CHL1: variants seen among roughly 807,000 people sequenced by gnomAD.
CHL1 encodes cell adhesion molecule L1 like, also known as neural cell adhesion molecule L1-like protein.
Under a neutral mutation model 141.9 loss-of-function variants are expected in CHL1, and 96 were observed. The observed-to-expected ratio is 0.68, with a 90% CI of 0.57 to 0.80. The LOEUF is 0.80. Ranked by LOEUF, CHL1 falls within the 30% of genes least tolerant of loss-of-function variation. CHL1 has a pLI of 0.00. For synonymous variants in CHL1, 613 were observed against 502.2 expected, an observed-to-expected ratio of 1.22 and a Z score of -2.95; for missense variants, 1,820 against 1,457.2, an observed-to-expected ratio of 1.25 and a Z score of -4.05.
chr3:331,864 T>A (rs62227240), intron 5 of CHL1, among the ~76,000 whole-genome samples: 44 of 152,256 alleles, frequency 2.9e-4, no homozygotes, highest in African/African-American at 9.6e-4. Flanking sequence ...AGACCTATTG[T>A]AACCCTAGTG....
chr3:350,012 AG>A (rs769879480), intron 10 of CHL1, among the ~76,000 whole-genome samples: 13 of 152,218 alleles, frequency 8.5e-5, no homozygotes, highest in Non-Finnish European at 1.0e-4. Context: ...TGAAAGAGGC[AG>A]GCAAATTGTT....
chr3:304,902 A>G (rs1699094965), intron 2 of CHL1, among the ~76,000 whole-genome samples: 1 of 152,084 alleles, frequency 6.6e-6, no homozygotes, highest in South Asian at 2.1e-4. Context: ...CCCTCTAAAC[A>G]CTGCTTTAAA....
intron 11 of CHL1, among the ~76,000 whole-genome samples, chr3:356,039 C>T (rs1012733037): frequency 7.9e-5 from 12 of 152,100 alleles, no homozygotes; most frequent in Non-Finnish European, 1.5e-5. Flanking sequence ...CAAAAACAGC[C>T]CCCCGTAAGG....
Position 197,744 on chromosome 3 carries a change from CCGCCGAGGGGCGAGAGGGCG to C in CHL1, c.-175+687_-175+706del, listed in dbSNP as rs1359448647. ...GGGGCTAGAGCTCCACCTCCCCAGA[CCGCCGAGGGGCGAGAGGGCG>C]CGCCGGGGGCCGTGGTTGCCATGGC... On this transcript the variant is annotated intron_variant, in intron 1 of 27. Coordinates refer to ENST00000256509, the MANE Select transcript of CHL1 (RefSeq NM_006614.4). 13 of 454,652 alleles carry C rather than the reference CCGCCGAGGGGCGAGAGGGCG, an allele frequency of 2.9e-5. 1 individual carries two copies. The East Asian group carries it at 9.1e-4, about 32-fold the overall frequency. The allele number at this position is 454,652 out of a possible 1,614,324, so 28.2% of individuals were successfully genotyped here. A position where few individuals can be genotyped will look rare whatever the true frequency, so the allele number is the denominator to read the frequency against.
intron 2 of CHL1, among the ~76,000 whole-genome samples, chr3:291,008 G>C (rs973006313): frequency 6.6e-6 from 1 of 151,634 alleles, no homozygotes; most frequent in South Asian, 2.1e-4. Flanking sequence ...CTATTTTGAG[G>C]ATTTTAATTT....
intron 2 of CHL1, among the ~76,000 whole-genome samples, chr3:274,802 T>A (rs1695945024): frequency 6.6e-6 from 1 of 152,214 alleles, no homozygotes; most frequent in Non-Finnish European, 1.5e-5. Flanking sequence ...GTTTCTTTTA[T>A]CTGTATAATG....
chr3:353,977 A>C (rs1703486753), intron 10 of CHL1, among the ~76,000 whole-genome samples: 1 of 152,284 alleles, frequency 6.6e-6, no homozygotes. Flanking sequence ...CATACTTTGT[A>C]GTATTGTTAC....
intron 2 of CHL1, among the ~76,000 whole-genome samples, chr3:251,190 T>C (rs565343652): frequency 6.6e-6 from 1 of 152,210 alleles, no homozygotes; most frequent in Admixed American, 6.5e-5. Context: ...TCCATTTGAT[T>C]GGGAACTTTA....
intron 10 of CHL1, among the ~76,000 whole-genome samples, chr3:354,437 A>G (rs374631977): frequency 2.3e-4 from 3 of 12,850 alleles, no homozygotes; most frequent in African/African-American, 2.4e-4. Flanking sequence ...ACACAAGCAC[A>G]CACACACACA....
At chr3:226,330 G>C (rs1258485653) in intron 1 of CHL1, among the ~76,000 whole-genome samples, 1 of 146,856 alleles carries the variant, frequency 6.8e-6, no homozygotes, top group Non-Finnish European at 1.5e-5. Context: ...ACCATGCCAG[G>C]CTGAAAATTC....
At chr3:402,589 T>C (rs1388852593) in intron 27 of CHL1, among the ~76,000 whole-genome samples, 1 of 152,226 alleles carries the variant, frequency 6.6e-6, no homozygotes. Flanking sequence ...ATCTGATTGA[T>C]CCTGATTCTC....
At chr3:230,421 A>G (rs1465365452) in intron 1 of CHL1, among the ~76,000 whole-genome samples, 1 of 152,166 alleles carries the variant, frequency 6.6e-6, no homozygotes, top group African/African-American at 2.4e-5. Context: ...TGAAAAAAAT[A>G]TGATTTTCTT....
intron 2 of CHL1, 40 bp from the exon 3 acceptor site, chr3:319,643 G>C (rs1700406852): frequency 4.4e-6 from 2 of 450,162 alleles, no homozygotes. Context: ...TGAAATTTTA[G>C]AGTTTGTGAA....
intron 2 of CHL1, among the ~76,000 whole-genome samples, chr3:278,212 G>A (rs772030892): frequency 6.6e-6 from 1 of 152,166 alleles, no homozygotes; most frequent in Non-Finnish European, 1.5e-5. Context: ...GAATTATTTT[G>A]CTTGCTGTCT....
rs1210826421 is a variant in CHL1, at chr3:314,661, T to A, written c.-94-5022T>A. 2.0e-5 allele frequency among the ~76,000 whole-genome samples: 3 copies of A among 151,788 alleles called. No individual in the cohort carries two copies. The East Asian group carries it at 5.8e-4, about 30-fold the overall frequency. ...GTGGCTGGCTGGCTGTTGGCCAGGA[T>A]GATGGGGATGATGGGCAAAATGTCT... On this transcript the variant is annotated intron_variant, in intron 2 of 27. Transcript: ENST00000256509.
intron 2 of CHL1, among the ~76,000 whole-genome samples, chr3:270,762 T>C (rs530763311): frequency 1.4e-4 from 21 of 152,330 alleles, no homozygotes; most frequent in African/African-American, 5.1e-4. Flanking sequence ...TATATGAAGG[T>C]TCACCTGGGC....
At chr3:383,950 C>T (rs531192575) in intron 19 of CHL1, 64 bp downstream of exon 19, 3 of 1,082,390 alleles carry the variant, frequency 2.8e-6, no homozygotes, top group Admixed American at 1.8e-5. Context: ...GGTCTGCATG[C>T]TAACTACAAT....
intron 2 of CHL1, among the ~76,000 whole-genome samples, chr3:276,384 G>T (rs1352696390): frequency 1.3e-5 from 2 of 152,172 alleles, no homozygotes; most frequent in Non-Finnish European, 2.9e-5. Context: ...AGGAGTTGGA[G>T]ATAGGAAACT....
chr3:239,642 G>A (rs553028587), intron 1 of CHL1, among the ~76,000 whole-genome samples: 14 of 150,098 alleles, frequency 9.3e-5, no homozygotes, highest in African/African-American at 3.2e-4. Flanking sequence ...TTTGGGAAAC[G>A]GGTGGTATTT....
Sources: gnomAD v4.1 joint callset for allele counts (sites outside exome capture counted in the v4.1 genomes callset) on GRCh38, gnomAD v4.1.1 for gene constraint, MANE v1.5 for transcripts, NCBI Gene and HGNC (gene_info 2026-07-23, HGNC 2026-07-21) for gene names.